LTF: variants seen among roughly 807,000 people sequenced by gnomAD.
LTF encodes the protein lactotransferrin, also known as epididymis luminal protein 110.
Under a neutral mutation model 87.2 loss-of-function variants are expected in LTF, and 91 were observed. The observed-to-expected ratio is 1.04, with a 90% CI of 0.88 to 1.24. The LOEUF (loss-of-function observed/expected upper bound fraction) is 1.24. Among genes scored for constraint, LTF ranks in the 50% most tolerant of loss-of-function variants. The pLI is 0.00. For missense variants in LTF, 901 were observed against 904.3 expected (o/e 1.00, Z 0.05); for synonymous variants, 378 against 356.1 (o/e 1.06, Z -0.69).
At chr3:46,472,996 A>G (rs1024140221) in intron 1 of LTF, among the ~76,000 whole-genome samples, 4 of 151,888 alleles carry the variant, frequency 2.6e-5, no homozygotes, top group Non-Finnish European at 5.9e-5. Context: ...TTTCTCTTTC[A>G]GTCACTACAT....
intron 2 of LTF, among the ~76,000 whole-genome samples, chr3:46,457,416 T>A (rs1702964095): frequency 1.3e-5 from 2 of 152,246 alleles, no homozygotes; most frequent in South Asian, 4.1e-4. Flanking sequence ...TTGTCCTCAG[T>A]GTTTTTCCTT....
In LTF at chr3:46,441,405, C is replaced by T; in HGVS notation, c.1723+11G>A. 1 of 1,608,792 alleles carries T rather than the reference C, an allele frequency of 6.2e-7. No homozygotes were observed. Among genetic ancestry groups the T allele is most frequent in the Non-Finnish European group, 8.5e-7 (1 of 1,177,016 alleles). ...CTGCTTTGAAGGAGAAAAGGAAACACCTTCACCTACCATCAGTGTTCTGCA... is the reference window on the plus strand; with the variant it reads ...CTGCTTTGAAGGAGAAAAGGAAACATCTTCACCTACCATCAGTGTTCTGCA... On this transcript the variant is annotated intron_variant, in intron 14 of 16. Coordinates refer to ENST00000231751, the MANE Select transcript of LTF (RefSeq NM_002343.6).
At chr3:46,478,300 G>C (rs1703388096) in intron 1 of LTF, among the ~76,000 whole-genome samples, 1 of 152,100 alleles carries the variant, frequency 6.6e-6, no homozygotes, top group Non-Finnish European at 1.5e-5. Flanking sequence ...TGTCAGTCTT[G>C]GCTTTGCTCC....
At chr3:46,461,412 C>T (rs1703078124) in intron 1 of LTF, among the ~76,000 whole-genome samples, 1 of 152,162 alleles carries the variant, frequency 6.6e-6, no homozygotes, top group South Asian at 2.1e-4. Context: ...CCTAAATGTC[C>T]AATAACTGGT....
Position 46,439,409 on chromosome 3 carries a change from G to A in LTF, c.1795C>T (p.Arg599Trp), listed in dbSNP as rs749421295. 6.4e-5 allele frequency: 103 copies of A among 1,614,094 alleles called. No homozygotes were observed. Among genetic ancestry groups the A allele is most frequent in the Non-Finnish European group, 8.0e-5 (94 of 1,180,046 alleles). The stretch of plus-strand genomic sequence containing the variant: ...CTTCTAGCCTCAGTCACAGGCTTCC[G>A]TTTGCCATCGAGGCACAGCAGCGCA... ...DFALLCLDGK[R>W]KPVTEARSCH... The change falls in exon 15 of 17, where the codon CGG (arginine) becomes TGG (tryptophan). Residue 599 changes from arginine (R) to tryptophan (W), a missense_variant. Transcript: ENST00000231751.
At chr3:46,439,593 T>A in intron 14 of LTF, 113 bp from the exon 15 acceptor site, 1 of 866,342 alleles carries the variant, frequency 1.2e-6, no homozygotes, top group Non-Finnish European at 1.7e-6. Context: ...ACTGGGGTTG[T>A]GGTGATGTGA....
rs1299177262 is a variant in LTF at position 46,464,826 on chromosome 3, G to T, written c.42C>A (p.Leu14=). The change falls in exon 1 of 17, where the codon CTC becomes CTA. Residue 14 remains leucine, a splice_region_variant and synonymous_variant. Coordinates refer to ENST00000231751, the MANE Select transcript of LTF (RefSeq NM_002343.6). ...GCGCCCCCAGGCACCTGCACTCACC[G>T]AGGGCCCCGAGGAACAGCAGGACGA... ...VFLVLLFLGA[L]GLCLAGRRRS... 1 of 1,613,920 alleles carries T rather than the reference G, an allele frequency of 6.2e-7. No individual in the cohort carries two copies. Among genetic ancestry groups the T allele is most frequent in the Non-Finnish European group, 8.5e-7 (1 of 1,179,998 alleles).
At chr3:46,477,445 G>A (rs1703374849) in intron 1 of LTF, among the ~76,000 whole-genome samples, 1 of 152,240 alleles carries the variant, frequency 6.6e-6, no homozygotes, top group Non-Finnish European at 1.5e-5. Context: ...TCTGGTGCCT[G>A]AAAGGCAGGG....
rs1559614769 is a variant in LTF, at chr3:46,482,644, GAAAGAAA to G, written c.-320+2335_-320+2341del. ...AGAAAGAAAGAAAGAAAGAAAGAAA[GAAAGAAA>G]GAAAGAAAGAAGGAAGGAAGGAAGG... is the stretch of plus-strand genomic sequence containing the variant. On this transcript the variant is annotated intron_variant, in intron 1 of 19. Transcript: ENST00000443496. Among the ~76,000 whole-genome samples, 7 of 96,438 alleles carry G rather than the reference GAAAGAAA, an allele frequency of 7.3e-5. 1 individual carries two copies. Among genetic ancestry groups the G allele is most frequent in the South Asian group, 4.1e-4 (1 of 2,464 alleles). The allele number at this position is 96,438 out of a possible 152,430, so 63.3% of individuals were successfully genotyped here. A position where few individuals can be genotyped will look rare whatever the true frequency, so the allele number is the denominator to read the frequency against.
chr3:46,451,821 C>G (rs1702810657), intron 6 of LTF, among the ~76,000 whole-genome samples: 1 of 152,202 alleles, frequency 6.6e-6, no homozygotes, highest in African/African-American at 2.4e-5. Flanking sequence ...TCTCGAACTC[C>G]TGACCTCATG....
At chr3:46,440,228 C>A (rs1451212360) in intron 14 of LTF, among the ~76,000 whole-genome samples, 1 of 152,096 alleles carries the variant, frequency 6.6e-6, no homozygotes. Flanking sequence ...AGAAAACCCT[C>A]CACCTATGCC....
intron 1 of LTF, among the ~76,000 whole-genome samples, chr3:46,474,633 A>T (rs1461534566): frequency 6.6e-6 from 1 of 152,196 alleles, no homozygotes; most frequent in Non-Finnish European, 1.5e-5. Flanking sequence ...CCTTTACCCA[A>T]CAATAGCAGA....
At position 46,439,285 on chromosome 3, in the gene LTF, G is replaced by A. The variant is rs377670384; in HGVS notation, c.1908+11C>T. 134 of 1,599,444 alleles carry A rather than the reference G, an allele frequency of 8.4e-5. 1 individual carries two copies. The African/African-American group carries it at 1.6e-3, about 19-fold the overall frequency. On this transcript the variant is annotated intron_variant, in intron 15 of 16. Transcript: ENST00000231751. ...CAGCTAAGAAAGCACTAGAAGCCCT[G>A]TGGTCCATACCTGTTGGTGGAGCAA...
intron 16 of LTF, among the ~76,000 whole-genome samples, 191 bp downstream of exon 16, chr3:46,437,749 T>G (rs558258844): frequency 2.6e-5 from 4 of 152,350 alleles, no homozygotes; most frequent in South Asian, 2.1e-4. Flanking sequence ...TTATAAAAAT[T>G]TATTACATAC....
chr3:46,480,222 C>T (rs1703415700), intron 1 of LTF, among the ~76,000 whole-genome samples: 1 of 152,196 alleles, frequency 6.6e-6, no homozygotes, highest in Non-Finnish European at 1.5e-5. Context: ...ATTTTTGGAC[C>T]ATGGGCTCAT....
chr3:46,452,253 A>T (rs983993610), intron 6 of LTF, among the ~76,000 whole-genome samples: 7 of 152,214 alleles, frequency 4.6e-5, no homozygotes, highest in African/African-American at 1.7e-4. Context: ...GGACTATAAG[A>T]TGTTACAATA....
intron 1 of LTF, among the ~76,000 whole-genome samples, chr3:46,477,957 C>G (rs939913190): frequency 1.3e-5 from 2 of 152,106 alleles, no homozygotes; most frequent in South Asian, 2.1e-4. Context: ...GACAGAGGGC[C>G]GAGCGGGAGC....
rs188866650 is a variant in LTF, at chr3:46,479,981, G to T, written c.-320+5005C>A. On this transcript the variant is annotated intron_variant, in intron 1 of 19. Coordinates refer to the LTF transcript ENST00000443496. ...GTGGATGATGGCACCAAGGTGTTTG[G>T]CCTGAGAAACTAAAAGGAGGTAGTT... Among the ~76,000 whole-genome samples the T allele has an allele frequency of 5.9e-5, 9 of 152,322 alleles. No homozygotes were observed. In the East Asian group the frequency reaches 1.7e-3, roughly 29 times the overall value.
intron 12 of LTF, 99 bp from the exon 13 acceptor site, chr3:46,443,681 C>A: frequency 9.0e-7 from 1 of 1,115,230 alleles, no homozygotes; most frequent in African/African-American, 1.5e-5. Flanking sequence ...GTTCATTAGA[C>A]TTCCCAGGAC....
Sources: allele counts gnomAD v4.1 joint callset (sites outside exome capture counted in the v4.1 genomes callset), GRCh38; gene constraint gnomAD v4.1.1; transcripts MANE v1.5; gene names NCBI Gene and HGNC (gene_info 2026-07-23, HGNC 2026-07-21).